SLC22A16: variants seen among roughly 807,000 people sequenced by gnomAD.
SLC22A16 encodes WUGSC:RG331P03.1.
In SLC22A16, 53 loss-of-function variants were observed where a neutral mutation model predicts 52.9. That is an observed-to-expected ratio of 1.00 (90% CI 0.80 to 1.26). The LOEUF (loss-of-function observed/expected upper bound fraction) is 1.26, where lower values mean the gene tolerates loss of function less well. SLC22A16 is among the 50% of genes most tolerant of loss of function. SLC22A16 has a pLI of 0.00. For missense variants in SLC22A16, 726 were observed against 704.0 expected (o/e 1.03, Z -0.35); for synonymous variants, 291 against 268.8 (o/e 1.08, Z -0.81).
chr6:110,438,798 C>A lies in SLC22A16; in HGVS notation c.1233G>T (p.Lys411Asn), dbSNP rs773355498. The part of the protein sequence containing the change: ...AYTFVCIAMD[K>N]VGRRTVLAYS... The stretch of plus-strand genomic sequence containing the variant: ...AGGCCAGGACTGTTCTCCTCCCGAC[C>A]TTGTCCATGGCGATGCACACGAAGG... Residue 411 changes from lysine to asparagine, a missense_variant, in exon 5 of 8, where the codon AAG (lysine) becomes AAT (asparagine). Lys to Asn is a moderately conservative substitution (Grantham distance 94, BLOSUM62 0). Coordinates refer to ENST00000368919, the MANE Select transcript of SLC22A16 (RefSeq NM_033125.4). 1 of 1,614,046 alleles carries A rather than the reference C, an allele frequency of 6.2e-7. No individual in the cohort carries two copies. The highest frequency in any genetic ancestry group is 8.5e-7 in the Non-Finnish European group (1 of 1,180,028).
intron 2 of SLC22A16, 83 bp from the exon 3 acceptor site, chr6:110,447,073 G>T: frequency 9.3e-7 from 1 of 1,074,892 alleles, no homozygotes; most frequent in Non-Finnish European, 1.4e-6. Context: ...TAAAAGATAG[G>T]CATTACCTAT....
chr6:110,441,527 G>T (rs910245955), intron 4 of SLC22A16, among the ~76,000 whole-genome samples: 1 of 152,190 alleles, frequency 6.6e-6, no homozygotes, highest in Admixed American at 6.5e-5. Context: ...TGGACCAGTC[G>T]AAAGCAAAGG....
At chr6:110,436,055 C>A in intron 5 of SLC22A16, 94 bp from the exon 6 acceptor site, 1 of 797,820 alleles carries the variant, frequency 1.3e-6, no homozygotes, top group South Asian at 1.7e-5. Flanking sequence ...ATTCTAATTC[C>A]TTCAGTATTT....
intron 7 of SLC22A16, among the ~76,000 whole-genome samples, chr6:110,429,799 G>C (rs1161096873): frequency 2.0e-5 from 3 of 152,148 alleles, no homozygotes; most frequent in Non-Finnish European, 4.4e-5. Flanking sequence ...ACTAGATCTG[G>C]CTGGCCTCCT....
chr6:110,433,774 A>G (rs555330887), intron 6 of SLC22A16, among the ~76,000 whole-genome samples: 1 of 152,328 alleles, frequency 6.6e-6, no homozygotes, highest in East Asian at 1.9e-4. Context: ...CCATTGATAA[A>G]GCAGGTGTTA....
At chr6:110,456,378 A>T in intron 2 of SLC22A16, 160 bp downstream of exon 2, 1 of 927,830 alleles carries the variant, frequency 1.1e-6, no homozygotes, top group Non-Finnish European at 1.6e-6. Context: ...GCCTATCCTT[A>T]TCATTATACA....
intron 1 of SLC22A16, among the ~76,000 whole-genome samples, chr6:110,470,977 A>T (rs75748986): frequency 0.019 from 2,883 of 152,266 alleles, 86 homozygotes; most frequent in African/African-American, 0.064. Flanking sequence ...TGAGGGTGAC[A>T]TTTGTTATAA....
intron 1 of SLC22A16, among the ~76,000 whole-genome samples, chr6:110,458,168 C>G: frequency 6.6e-6 from 1 of 152,270 alleles, no homozygotes; most frequent in South Asian, 2.1e-4. Flanking sequence ...TCTCTCTCCC[C>G]GCCTCGGTTG....
At chr6:110,427,734 C>T (rs555898305) in intron 7 of SLC22A16, among the ~76,000 whole-genome samples, 18 of 152,302 alleles carry the variant, frequency 1.2e-4, no homozygotes, top group East Asian at 5.8e-4. Context: ...CCCTGGCCCC[C>T]CAAAGTGTGG....
chr6:110,461,173 G>A (rs1008156037), intron 1 of SLC22A16, among the ~76,000 whole-genome samples: 1 of 152,222 alleles, frequency 6.6e-6, no homozygotes, highest in Non-Finnish European at 1.5e-5. Flanking sequence ...AAGTAGCAAT[G>A]TCCCTGCAAC....
intron 7 of SLC22A16, among the ~76,000 whole-genome samples, chr6:110,427,179 CA>C (rs1234876970): frequency 1.4e-5 from 2 of 141,722 alleles, no homozygotes; most frequent in African/African-American, 5.3e-5. Context: ...GCCCAGGAGG[CA>C]GAGGTTGCAT....
chr6:110,441,363 G>A (rs1774956625), intron 4 of SLC22A16, among the ~76,000 whole-genome samples: 2 of 152,166 alleles, frequency 1.3e-5, no homozygotes, highest in African/African-American at 4.8e-5. Flanking sequence ...AACTTCCCAT[G>A]GAAATTTTAA....
intron 1 of SLC22A16, among the ~76,000 whole-genome samples, chr6:110,466,911 TGATA>T (rs3045569): frequency 0.27 from 38,353 of 140,408 alleles, 5,078 homozygotes; most frequent in African/African-American, 0.3. Flanking sequence ...AAAGAAAATG[TGATA>T]GATAGATAGA....
intron 1 of SLC22A16, chr6:110,475,898 C>T (rs574503248): frequency 1.4e-4 from 62 of 456,610 alleles, no homozygotes; most frequent in Non-Finnish European, 2.3e-4. Context: ...TCCTTGACCC[C>T]GCCAGCTTGT....
At position 110,476,513 on chromosome 6, in the gene SLC22A16, C is replaced by CTA. The variant is rs780885850; in HGVS notation, c.53+8_53+9insTA. The CTA allele has an allele frequency of 1.2e-5, 9 of 721,172 alleles. No individual in the cohort carries two copies. In the South Asian group the frequency reaches 1.8e-4, roughly 14 times the overall value. 44.7% of individuals were successfully genotyped at this position (721,172 alleles called of 1,614,324 possible). On this transcript the variant is annotated intron_variant, in intron 1 of 7. Coordinates refer to ENST00000368919, the MANE Select transcript of SLC22A16 (RefSeq NM_033125.4). ...TCCCGCGTGGCGCCGCGGGGCCCCTCCCCCATACCTGCCGAAGTGCCCCAC... is the reference window on the plus strand; with the variant it reads ...TCCCGCGTGGCGCCGCGGGGCCCCTCTACCCCATACCTGCCGAAGTGCCCCAC...
intron 6 of SLC22A16, among the ~76,000 whole-genome samples, chr6:110,433,458 A>T (rs1774589917): frequency 6.6e-6 from 1 of 152,122 alleles, no homozygotes; most frequent in African/African-American, 2.4e-5. Context: ...CTATCTCTTG[A>T]CTAATGGATT....
At chr6:110,454,775 T>TATATATAA (rs1280104794) in intron 2 of SLC22A16, among the ~76,000 whole-genome samples, 551 of 51,598 alleles carry the variant, frequency 0.011, 74 homozygotes, top group African/African-American at 0.023. Context: ...TATATATAAA[T>TATATATAA]ATATATAAAT....
chr6:110,438,283 A>G (rs1042444949), intron 5 of SLC22A16, among the ~76,000 whole-genome samples: 1 of 152,190 alleles, frequency 6.6e-6, no homozygotes, highest in African/African-American at 2.4e-5. Context: ...ACAAAATACA[A>G]CACTGGTCAT....
At chr6:110,437,119 T>G (rs1197699612) in intron 5 of SLC22A16, among the ~76,000 whole-genome samples, 1 of 152,222 alleles carries the variant, frequency 6.6e-6, no homozygotes, top group Non-Finnish European at 1.5e-5. Flanking sequence ...GATGCCTCTA[T>G]TAAAGAGCTA....
Sources: gnomAD v4.1 joint callset for allele counts (sites outside exome capture counted in the v4.1 genomes callset) on GRCh38, gnomAD v4.1.1 for gene constraint, MANE v1.5 for transcripts, NCBI Gene and HGNC (gene_info 2026-07-23, HGNC 2026-07-21) for gene names.